The following PPP2R2A variants were observed in gnomAD, a reference collection of about 807,000 sequenced individuals.
PPP2R2A encodes the protein serine/threonine-protein phosphatase 2A 55 kDa regulatory subunit B alpha isoform.
In PPP2R2A, 9 loss-of-function variants were observed where a neutral mutation model predicts 53.2. The ratio of observed to expected loss-of-function variants is 0.17; its 90% confidence interval spans 0.10 to 0.30. The LOEUF (loss-of-function observed/expected upper bound fraction) is 0.30, where lower values mean the gene tolerates loss of function less well. Ranked by LOEUF, PPP2R2A falls within the 10% of genes least tolerant of loss-of-function variation. The pLI, the probability that PPP2R2A is intolerant of heterozygous loss-of-function variation, is 1.00. For missense variants in PPP2R2A, 235 were observed against 534.6 expected (o/e 0.44, Z 5.53); for synonymous variants, 169 against 174.2 (o/e 0.97, Z 0.23).
At chr8:26,368,540 TA>T in intron 9 of PPP2R2A, among the ~76,000 whole-genome samples, 1 of 152,260 alleles carries the variant, frequency 6.6e-6, no homozygotes, top group Non-Finnish European at 1.5e-5. Flanking sequence ...GATACTTTTA[TA>T]AATATTTGCT....
At position 26,320,512 on chromosome 8, in the gene PPP2R2A, C is replaced by T. The variant is rs145973865; in HGVS notation, c.83-18378C>T. On this transcript the variant is annotated intron_variant, in intron 2 of 9. Coordinates refer to ENST00000380737, the MANE Select transcript of PPP2R2A (RefSeq NM_002717.4). The stretch of plus-strand genomic sequence containing the variant: ...AAAATACTGCTGGTATTCTAACTTA[C>T]GATTAGTCTTTAAGTATTATGTATA... Among the ~76,000 whole-genome samples, 1,074 of 152,210 alleles carry T rather than the reference C, an allele frequency of 7.1e-3. 12 individuals are homozygous for T. The highest frequency in any genetic ancestry group is 0.025 in the African/African-American group (1,044 of 41,530).
chr8:26,321,556 C>G lies in PPP2R2A; in HGVS notation c.83-17334C>G, dbSNP rs1378004232. 6.6e-6 allele frequency among the ~76,000 whole-genome samples: 1 copy of G among 152,182 alleles called. No homozygotes were observed. The highest frequency in any genetic ancestry group is 1.9e-4 in the East Asian group (1 of 5,190). ...GTTTTGGCATCCATGTTGGGCTGCC[C>G]TATTTCACTTGCTGAGGGAAGCCAG... On this transcript the variant is annotated intron_variant, in intron 2 of 9. Coordinates refer to ENST00000380737, the MANE Select transcript of PPP2R2A (RefSeq NM_002717.4). This position sits in a 1 kb window ranked among gnomAD's most constrained non-coding sequence, Gnocchi z 4.1.
At chr8:26,353,799 A>G (rs146267706) in intron 3 of PPP2R2A, among the ~76,000 whole-genome samples, 1 of 152,170 alleles carries the variant, frequency 6.6e-6, no homozygotes, top group East Asian at 1.9e-4. Flanking sequence ...TGAGAAAGCA[A>G]ATTTAAGGCG....
At chr8:26,352,397 A>T (rs945327613) in intron 3 of PPP2R2A, among the ~76,000 whole-genome samples, 14 of 152,190 alleles carry the variant, frequency 9.2e-5, no homozygotes, top group Non-Finnish European at 1.6e-4. Context: ...GTCTACTGTC[A>T]GTTACCACTT....
intron 1 of PPP2R2A, 26 bp downstream of exon 1, chr8:26,291,852 C>T (rs1290526494): frequency 1.9e-6 from 3 of 1,608,100 alleles, no homozygotes; most frequent in Non-Finnish European, 2.5e-6. Context: ...CCCTCGCCCC[C>T]TGACAAGGCA....
chr8:26,341,327 A>G (rs1803935831), intron 3 of PPP2R2A, among the ~76,000 whole-genome samples: 1 of 152,194 alleles, frequency 6.6e-6, no homozygotes, highest in Non-Finnish European at 1.5e-5. Flanking sequence ...GTCATTGGTC[A>G]TAAATATGTA....
intron 1 of PPP2R2A, chr8:26,292,072 G>T (rs1018594434): frequency 8.1e-7 from 1 of 1,241,714 alleles, no homozygotes; most frequent in African/African-American, 1.6e-5. Flanking sequence ...GGGGTGTGCC[G>T]GCGAGCTTGG....
intron 2 of PPP2R2A, among the ~76,000 whole-genome samples, chr8:26,298,056 T>C (rs1290218086): frequency 6.6e-6 from 1 of 152,106 alleles, no homozygotes; most frequent in African/African-American, 2.4e-5. Flanking sequence ...TAAAAGTCAG[T>C]ATAGTGGCTA....
Position 26,327,842 on chromosome 8 carries a change from T to G in PPP2R2A, c.83-11048T>G, listed in dbSNP as rs1190943562. On this transcript the variant is annotated intron_variant, in intron 2 of 9. Transcript: ENST00000380737. ...CTGTGTAGAAATACAGCTGAGAAGA[T>G]CATGAAAATGGGTCATGTGACCTAA... Among the ~76,000 whole-genome samples the G allele has an allele frequency of 2.0e-5, 3 of 152,150 alleles. No individual in the cohort carries two copies. In the East Asian group the frequency reaches 5.8e-4, roughly 29 times the overall value.
intron 2 of PPP2R2A, among the ~76,000 whole-genome samples, chr8:26,331,240 C>G (rs1402765025): frequency 2.6e-5 from 4 of 152,234 alleles, no homozygotes; most frequent in African/African-American, 9.6e-5. Flanking sequence ...CTTTCTTTTC[C>G]TTTCTAAGAG....
intron 3 of PPP2R2A, among the ~76,000 whole-genome samples, chr8:26,348,483 T>G (rs1211871503): frequency 6.6e-6 from 1 of 152,230 alleles, no homozygotes; most frequent in Non-Finnish European, 1.5e-5. Flanking sequence ...TAAAATTACT[T>G]TCAGGCTATA....
chr8:26,337,206 A>G (rs779196568), intron 2 of PPP2R2A, among the ~76,000 whole-genome samples: 1 of 152,204 alleles, frequency 6.6e-6, no homozygotes, highest in Non-Finnish European at 1.5e-5. Context: ...GTATTTTGGT[A>G]CAGCAAGATT....
In PPP2R2A at chr8:26,362,323, C is replaced by T. The variant is rs765694586; in HGVS notation, c.638-361C>T. Among the ~76,000 whole-genome samples, 33 of 150,136 alleles carry T rather than the reference C, an allele frequency of 2.2e-4. No homozygotes were observed. Among genetic ancestry groups the T allele is most frequent in the Non-Finnish European group, 3.4e-4 (23 of 67,558 alleles). Reference sequence around the variant, plus strand: ...CAGCCTGGCCAACATAGTGAAACCCCGTCTCTACTAAAAATACAAAAAAAA... The same window carrying T: ...CAGCCTGGCCAACATAGTGAAACCCTGTCTCTACTAAAAATACAAAAAAAA... On this transcript the variant is annotated intron_variant, in intron 6 of 9. Transcript: ENST00000380737. The surrounding 1 kb of genome is among the most constrained non-coding windows in gnomAD (Gnocchi z 4.4).
At chr8:26,328,557 G>A (rs1415516871) in intron 2 of PPP2R2A, among the ~76,000 whole-genome samples, 2 of 152,088 alleles carry the variant, frequency 1.3e-5, no homozygotes, top group Non-Finnish European at 2.9e-5. Context: ...CTGTCACCTG[G>A]TTTCTCTTTC....
At chr8:26,306,765 G>T (rs1585330871) in intron 2 of PPP2R2A, among the ~76,000 whole-genome samples, 1 of 152,022 alleles carries the variant, frequency 6.6e-6, no homozygotes, top group Non-Finnish European at 1.5e-5. Context: ...GATTGCTTGA[G>T]CCCAGGAGTT....
chr8:26,307,235 A>G (rs531879549), intron 2 of PPP2R2A, among the ~76,000 whole-genome samples: 87 of 152,354 alleles, frequency 5.7e-4, no homozygotes, highest in Non-Finnish European at 9.1e-4. Flanking sequence ...AAACAAAGCT[A>G]AGTAAAATCT....
At chr8:26,320,312 A>T (rs1369801271) in intron 2 of PPP2R2A, among the ~76,000 whole-genome samples, 1 of 152,204 alleles carries the variant, frequency 6.6e-6, no homozygotes, top group Non-Finnish European at 1.5e-5. Flanking sequence ...AAGGTGTCAG[A>T]TCAGCAAATA....
rs115184242 is a variant in PPP2R2A, at chr8:26,361,568, T to C, written c.637+417T>C. ...TTTACAGTGAGCTTGATTGTGCCTCTGCACTCCAGCTTGGATGACAGAGCA... is the reference window on the plus strand; with the variant it reads ...TTTACAGTGAGCTTGATTGTGCCTCCGCACTCCAGCTTGGATGACAGAGCA... On this transcript the variant is annotated intron_variant, in intron 6 of 9. Coordinates refer to ENST00000380737, the MANE Select transcript of PPP2R2A (RefSeq NM_002717.4). Among the ~76,000 whole-genome samples the C allele has an allele frequency of 2.7e-3, 410 of 152,252 alleles. 2 individuals are homozygous for C. The highest frequency in any genetic ancestry group is 9.5e-3 in the African/African-American group (394 of 41,538).
chr8:26,362,772 T>C lies in PPP2R2A; in HGVS notation c.726T>C (p.Phe242=), dbSNP rs181021771. 1.2e-6 allele frequency: 2 copies of C among 1,613,566 alleles called. No individual in the cohort carries two copies. Among genetic ancestry groups the C allele is most frequent in the East Asian group, 2.2e-5 (1 of 44,872 alleles). Residue 242 remains phenylalanine, a synonymous_variant, in exon 7 of 10, where the codon TTT becomes TTC. Coordinates refer to ENST00000380737, the MANE Select transcript of PPP2R2A (RefSeq NM_002717.4). This position sits in a 1 kb window ranked among gnomAD's most constrained non-coding sequence, Gnocchi z 4.4. ...AEFHPNSCNT[F]VYSSSKGTIR... ...TTCATCCAAACAGCTGTAACACATT[T>C]GTATACAGCAGCAGTAAAGGAACTA...
Sources: gnomAD v4.1 joint callset for allele counts (sites outside exome capture counted in the v4.1 genomes callset) on GRCh38, gnomAD v4.1.1 for gene constraint, Gnocchi (gnomAD v3.1) non-coding constraint, MANE v1.5 for transcripts, NCBI Gene and HGNC (gene_info 2026-07-23, HGNC 2026-07-21) for gene names.